The following ZNF141 variants were observed in gnomAD, a reference collection of about 807,000 sequenced individuals.
ZNF141 encodes the protein zinc finger protein 141 (clone pHZ-44).
Under a neutral mutation model 11.3 loss-of-function variants are expected in ZNF141, and 7 were observed. The ratio of observed to expected loss-of-function variants is 0.62; its 90% CI spans 0.35 to 1.16. ZNF141 has a LOEUF of 1.16. ZNF141 is among the 50% of genes most tolerant of loss of function. ZNF141 has a pLI of 0.02. For missense variants in ZNF141, 535 were observed against 554.0 expected, an observed-to-expected ratio of 0.97 and a Z score of 0.34; for synonymous variants, 183 against 190.7, an observed-to-expected ratio of 0.96 and a Z score of 0.33.
intron 3 of ZNF141, among the ~76,000 whole-genome samples, chr4:370,748 G>A (rs11725919): frequency 2.7e-5 from 4 of 149,618 alleles, no homozygotes; most frequent in South Asian, 2.1e-4. Flanking sequence ...TTTTTTTTTT[G>A]AAATGAAAGT....
chr4:338,747 G>C (rs1294669465), intron 1 of ZNF141, among the ~76,000 whole-genome samples: 1 of 152,230 alleles, frequency 6.6e-6, no homozygotes, highest in Non-Finnish European at 1.5e-5. Context: ...CGGGAAGAGC[G>C]CTGAGCTTGT....
rs150884911 is a variant in ZNF141 at position 374,498 on chromosome 4, C to A, written c.*636C>A. ...GCAAAGCCTTCAATAGGTTCTCAAC[C>A]CTTACTGTGCACAAGATAATTCATT... On this transcript the variant is annotated 3_prime_UTR_variant, in exon 4 of 4. Coordinates refer to ENST00000240499, the MANE Select transcript of ZNF141 (RefSeq NM_003441.4). 10 of 250,176 alleles carry A rather than the reference C, an allele frequency of 4.0e-5. No homozygotes were observed. In the South Asian group the frequency reaches 4.3e-4, roughly 11 times the overall value. 15.5% of individuals were successfully genotyped at this position (250,176 alleles called of 1,614,324 possible).
chr4:360,640 A>G (rs1202905754), intron 3 of ZNF141, among the ~76,000 whole-genome samples: 4 of 152,034 alleles, frequency 2.6e-5, no homozygotes, highest in Non-Finnish European at 5.9e-5. Context: ...TCATATTTGT[A>G]TGGTAATTTT....
intron 1 of ZNF141, among the ~76,000 whole-genome samples, chr4:339,056 C>T (rs1473636124): frequency 6.6e-6 from 1 of 152,206 alleles, no homozygotes; most frequent in Non-Finnish European, 1.5e-5. Context: ...GCTGCCAGCC[C>T]CCACCCAATG....
Position 369,764 on chromosome 4 carries a change from A to ATGTTTTTTTT in ZNF141, c.227-2899_227-2898insGTTTTTTTTT. Reference sequence around the variant, plus strand: ...TATATATATATATATATATATATATATTTTTTTTTTTTTTTTTTTTGAGAG... The same window carrying ATGTTTTTTTT: ...TATATATATATATATATATATATATATGTTTTTTTTTTTTTTTTTTTTTTTTTTTTGAGAG... On this transcript the variant is annotated intron_variant, in intron 3 of 3. Coordinates refer to ENST00000240499, the MANE Select transcript of ZNF141 (RefSeq NM_003441.4). Among the ~76,000 whole-genome samples, 10 of 48,738 alleles carry ATGTTTTTTTT rather than the reference A, an allele frequency of 2.1e-4. 1 individual carries two copies. Among genetic ancestry groups the ATGTTTTTTTT allele is most frequent in the Admixed American group, 2.9e-4 (1 of 3,438 alleles). The allele number at this position is 48,738 out of a possible 152,430, so 32.0% of individuals were successfully genotyped here.
In ZNF141 at chr4:376,727, C is replaced by A. The variant is rs755904325; in HGVS notation, c.*2865C>A. Among the ~76,000 whole-genome samples the A allele has an allele frequency of 7.2e-5, 11 of 151,918 alleles. No individual in the cohort carries two copies. The highest frequency in any genetic ancestry group is 1.2e-4 in the Non-Finnish European group (8 of 67,918). On this transcript the variant is annotated 3_prime_UTR_variant, in exon 4 of 4. Coordinates refer to ENST00000240499, the MANE Select transcript of ZNF141 (RefSeq NM_003441.4). ...GCAATTGTGTTTATGTGAGTTTGTA[C>A]CTATTTTCCAAAGAAAATAGCAATA...
chr4:369,318 T>G (rs1056726015), intron 3 of ZNF141, among the ~76,000 whole-genome samples: 1 of 152,184 alleles, frequency 6.6e-6, no homozygotes, highest in Non-Finnish European at 1.5e-5. Flanking sequence ...AGTTTTTGAC[T>G]TAAGATGTAC....
At chr4:348,101 C>T (rs887429197) in intron 3 of ZNF141, among the ~76,000 whole-genome samples, 1 of 152,144 alleles carries the variant, frequency 6.6e-6, no homozygotes, top group Non-Finnish European at 1.5e-5. Flanking sequence ...GCCTCGGCCT[C>T]CCAAAGTGCT....
chr4:368,647 T>C (rs1711868156), intron 3 of ZNF141, among the ~76,000 whole-genome samples: 1 of 152,268 alleles, frequency 6.6e-6, no homozygotes, highest in African/African-American at 2.4e-5. Flanking sequence ...GTAACAATGC[T>C]ACAATAATTG....
Position 361,827 on chromosome 4 carries a change from G to T in ZNF141, c.227-10837G>T, listed in dbSNP as rs545858745. 1.1e-3 allele frequency among the ~76,000 whole-genome samples: 170 copies of T among 152,200 alleles called. 1 individual carries two copies. The highest frequency in any genetic ancestry group is 1.2e-3 in the East Asian group (6 of 5,184). On this transcript the variant is annotated intron_variant, in intron 3 of 3. Coordinates refer to ENST00000240499, the MANE Select transcript of ZNF141 (RefSeq NM_003441.4). ...AGTCTTTGCTATTGTGAATAGTGCC[G>T]CAGTAAACATACATGTGCATGTGTC...
chr4:373,685 T>C lies in ZNF141; in HGVS notation c.1248T>C (p.Ile416=), dbSNP rs1712205738. ...RSTDRSQHKK[I]HSADKPYKCK... Reference sequence around the variant, plus strand: ...CAGATCGGAGTCAACATAAGAAAATTCATAGTGCAGATAAACCCTACAAAT... The same window carrying C: ...CAGATCGGAGTCAACATAAGAAAATCCATAGTGCAGATAAACCCTACAAAT... Residue 416 remains isoleucine, a synonymous_variant, in exon 4 of 4, where the codon ATT becomes ATC. Coordinates refer to ENST00000240499, the MANE Select transcript of ZNF141 (RefSeq NM_003441.4). 1 of 1,613,982 alleles carries C rather than the reference T, an allele frequency of 6.2e-7. No individual in the cohort carries two copies. Among genetic ancestry groups the C allele is most frequent in the African/African-American group, 1.3e-5 (1 of 74,898 alleles).
In ZNF141 at chr4:379,328, C is replaced by A. The variant is rs1203374790; in HGVS notation, c.*5466C>A. On this transcript the variant is annotated 3_prime_UTR_variant, in exon 4 of 4. Coordinates refer to ENST00000240499, the MANE Select transcript of ZNF141 (RefSeq NM_003441.4). ...GTATTGTCTTGTATTATATATTGTT[C>A]TGGGTCTAAGCCATGCTAGTAAATA... Among the ~76,000 whole-genome samples, 1 of 152,114 alleles carries A rather than the reference C, an allele frequency of 6.6e-6. No homozygotes were observed. The highest frequency in any genetic ancestry group is 1.5e-5 in the Non-Finnish European group (1 of 68,030).
chr4:367,793 C>T (rs1553853103), intron 3 of ZNF141, among the ~76,000 whole-genome samples: 4 of 152,004 alleles, frequency 2.6e-5, no homozygotes, highest in African/African-American at 4.8e-5. Flanking sequence ...GAGATTACAC[C>T]GCGCCCAGCC....
At chr4:351,235 C>T (rs1393018921) in intron 3 of ZNF141, among the ~76,000 whole-genome samples, 1 of 145,848 alleles carries the variant, frequency 6.9e-6, no homozygotes, top group Non-Finnish European at 1.5e-5. Context: ...GCCAGTTAAA[C>T]CTTTTTTTTT....
rs570639890 is a variant in ZNF141, at chr4:378,835, ATTTTTTTTTTTTT to A, written c.*4988_*5000del. On this transcript the variant is annotated 3_prime_UTR_variant, in exon 4 of 4. Transcript: ENST00000240499. The stretch of plus-strand genomic sequence containing the variant: ...GTTGAATCCAAACAGTTTCTCAGTG[ATTTTTTTTTTTTT>A]TTTTTTTTTTTTTTGAGATGGAGTC... Among the ~76,000 whole-genome samples, 31 of 78,626 alleles carry A rather than the reference ATTTTTTTTTTTTT, an allele frequency of 3.9e-4. No individual in the cohort carries two copies. Among genetic ancestry groups the A allele is most frequent in the Admixed American group, 6.1e-4 (4 of 6,544 alleles). 51.6% of individuals were successfully genotyped at this position (78,626 alleles called of 152,430 possible).
chr4:357,241 A>C (rs1721884423), intron 3 of ZNF141, among the ~76,000 whole-genome samples: 1 of 152,186 alleles, frequency 6.6e-6, no homozygotes, highest in Non-Finnish European at 1.5e-5. Flanking sequence ...GGCATGAGCC[A>C]TCAGGCCCAG....
Position 380,890 on chromosome 4 carries a change from A to T in ZNF141, c.*7028A>T, listed in dbSNP as rs554859210. ...CAAAAATTGTTAAATGTTGTCATAT[A>T]TGTGTGTGCAAAACGTATAAAATAT... is the stretch of plus-strand genomic sequence containing the variant. On this transcript the variant is annotated 3_prime_UTR_variant, in exon 4 of 4. Coordinates refer to ENST00000240499, the MANE Select transcript of ZNF141 (RefSeq NM_003441.4). Among the ~76,000 whole-genome samples the T allele has an allele frequency of 6.6e-6, 1 of 152,164 alleles. No homozygotes were observed. The highest frequency in any genetic ancestry group is 1.5e-5 in the Non-Finnish European group (1 of 68,038).
Position 380,781 on chromosome 4 carries a change from T to G in ZNF141, c.*6919T>G, listed in dbSNP as rs1212016445. Among the ~76,000 whole-genome samples the G allele has an allele frequency of 6.6e-6, 1 of 152,174 alleles. No homozygotes were observed. Among genetic ancestry groups the G allele is most frequent in the Non-Finnish European group, 1.5e-5 (1 of 68,024 alleles). On this transcript the variant is annotated 3_prime_UTR_variant, in exon 4 of 4. Coordinates refer to ENST00000240499, the MANE Select transcript of ZNF141 (RefSeq NM_003441.4). ...CTCACAACACAGGCAACTTTGACTC[T>G]AGAGATAACACTTATTACAGTAAAA... is the stretch of plus-strand genomic sequence containing the variant.
Position 383,233 on chromosome 4 carries a change from C to A in ZNF141, c.*9371C>A. 1 of 677,690 alleles carries A rather than the reference C, an allele frequency of 1.5e-6. No homozygotes were observed. The highest frequency in any genetic ancestry group is 2.7e-6 in the Non-Finnish European group (1 of 375,864). The allele number at this position is 677,690 out of a possible 1,614,324, so 42.0% of individuals were successfully genotyped here. A position where few individuals can be genotyped will look rare whatever the true frequency, so the allele number is the denominator to read the frequency against. On this transcript the variant is annotated 3_prime_UTR_variant, in exon 4 of 4. Coordinates refer to ENST00000240499, the MANE Select transcript of ZNF141 (RefSeq NM_003441.4). ...TAATTCACCAGCATCTAACCACTCA[C>A]ACCTGAAGGAGCCAAACTGAGCCCA...
Sources: gnomAD v4.1 joint callset for allele counts (sites outside exome capture counted in the v4.1 genomes callset) on GRCh38, gnomAD v4.1.1 for gene constraint, MANE v1.5 for transcripts, NCBI Gene and HGNC (gene_info 2026-07-23, HGNC 2026-07-21) for gene names.